DPP10: variants seen among roughly 807,000 people sequenced by gnomAD.
DPP10 encodes the protein dipeptidyl peptidase like 10.
A neutral mutation model predicts 120.9 loss-of-function variants in DPP10; 33 were observed. The ratio of observed to expected loss-of-function variants is 0.27; its 90% CI spans 0.21 to 0.37. The LOEUF (loss-of-function observed/expected upper bound fraction) is 0.37. Among genes scored for constraint, DPP10 ranks in the 10% least tolerant of loss-of-function variants. DPP10 has a pLI of 1.00. For missense variants in DPP10, 816 were observed against 942.8 expected (o/e 0.87, Z 1.76); for synonymous variants, 337 against 326.1 (o/e 1.03, Z -0.36).
intron 5 of DPP10, among the ~76,000 whole-genome samples, chr2:115,653,670 G>T (rs1369335081): frequency 1.3e-5 from 2 of 151,882 alleles, no homozygotes; most frequent in Non-Finnish European, 2.9e-5. Context: ...TTTTCTAGAT[G>T]ATTCCATTCC....
At chr2:115,279,131 C>T (rs2060034977) in intron 1 of DPP10, among the ~76,000 whole-genome samples, 1 of 152,142 alleles carries the variant, frequency 6.6e-6, no homozygotes, top group Non-Finnish European at 1.5e-5. Context: ...CTTTAGGAAG[C>T]ATGTAAACTC....
intron 2 of DPP10, among the ~76,000 whole-genome samples, chr2:115,334,636 A>T (rs892498588): frequency 1.3e-5 from 2 of 152,014 alleles, no homozygotes; most frequent in African/African-American, 4.8e-5. Flanking sequence ...TCTAAAAGTA[A>T]ATCTGAGAAT....
At chr2:115,523,906 C>T (rs2077974377) in intron 4 of DPP10, among the ~76,000 whole-genome samples, 1 of 152,112 alleles carries the variant, frequency 6.6e-6, no homozygotes, top group South Asian at 2.1e-4. Flanking sequence ...CTTTTAAAAA[C>T]TAAAAAACAA....
chr2:115,740,704 G>A (rs907924832), intron 9 of DPP10, among the ~76,000 whole-genome samples: 37 of 152,044 alleles, frequency 2.4e-4, no homozygotes, highest in African/African-American at 8.7e-4. Flanking sequence ...CATCTGGATT[G>A]TACTGTTTTT....
intron 1 of DPP10, among the ~76,000 whole-genome samples, chr2:115,155,681 G>A (rs1291981602): frequency 6.6e-6 from 1 of 152,170 alleles, no homozygotes; most frequent in East Asian, 1.9e-4. Flanking sequence ...ATAACTTACT[G>A]ACAGAGGAAT....
intron 1 of DPP10, among the ~76,000 whole-genome samples, chr2:115,303,456 A>G (rs1264073993): frequency 6.6e-6 from 1 of 151,918 alleles, no homozygotes; most frequent in African/African-American, 2.4e-5. Flanking sequence ...ATTTTTATAC[A>G]CATTCTCTAC....
intron 1 of DPP10, among the ~76,000 whole-genome samples, chr2:115,270,076 AC>A (rs2059626178): frequency 7.8e-6 from 1 of 128,320 alleles, no homozygotes; most frequent in Non-Finnish European, 1.7e-5. Context: ...TCACACACAC[AC>A]ACACACACAC....
chr2:114,646,273 C>T (rs958854369), intron 1 of DPP10, among the ~76,000 whole-genome samples: 1 of 152,080 alleles, frequency 6.6e-6, no homozygotes, highest in African/African-American at 2.4e-5. Flanking sequence ...TAAAGCCAGC[C>T]TAGAACCTGT....
chr2:115,155,408 C>T lies in DPP10; in HGVS notation c.61-153831C>T, dbSNP rs188950332. On this transcript the variant is annotated intron_variant, in intron 1 of 25. Transcript: ENST00000410059. ...CTTCTCCATGTGAAAGGTCAGGGGA[C>T]CCCTGAAGGGAAGAGGACTGCCCAT... is the stretch of plus-strand genomic sequence containing the variant. Among the ~76,000 whole-genome samples, 20 of 151,898 alleles carry T rather than the reference C, an allele frequency of 1.3e-4. No homozygotes were observed. The East Asian group carries it at 3.7e-3, about 28-fold the overall frequency.
intron 1 of DPP10, among the ~76,000 whole-genome samples, chr2:114,727,240 T>C (rs1210709931): frequency 6.6e-6 from 1 of 152,116 alleles, no homozygotes. Context: ...GTGGTGGAAG[T>C]GAGCCTGTGA....
chr2:114,783,398 T>C (rs1476533402), intron 1 of DPP10, among the ~76,000 whole-genome samples: 1 of 152,168 alleles, frequency 6.6e-6, no homozygotes, highest in Non-Finnish European at 1.5e-5. Context: ...ATTTTCACCC[T>C]CTGTAGGGTC....
intron 1 of DPP10, among the ~76,000 whole-genome samples, chr2:115,196,166 C>A (rs1225253931): frequency 6.6e-6 from 1 of 152,060 alleles, no homozygotes; most frequent in Non-Finnish European, 1.5e-5. Flanking sequence ...CAGAGATTTC[C>A]CCCTGTGGTT....
At chr2:115,392,365 T>C (rs535126811) in intron 3 of DPP10, among the ~76,000 whole-genome samples, 7 of 152,298 alleles carry the variant, frequency 4.6e-5, no homozygotes, top group Admixed American at 1.3e-4. Context: ...CACTTTGATA[T>C]CATATTAATA....
intron 1 of DPP10, among the ~76,000 whole-genome samples, chr2:114,511,819 C>G (rs12104968): frequency 0.015 from 2,320 of 152,286 alleles, 58 homozygotes; most frequent in African/African-American, 0.053. Context: ...ACGAGCAGCC[C>G]AGGCATGATG....
chr2:115,220,584 G>A (rs924876149), intron 1 of DPP10, among the ~76,000 whole-genome samples: 1 of 151,960 alleles, frequency 6.6e-6, no homozygotes, highest in Non-Finnish European at 1.5e-5. Context: ...AATAAATTCA[G>A]AAAAAATTGT....
At chr2:115,541,594 A>T (rs2079174186) in intron 5 of DPP10, among the ~76,000 whole-genome samples, 1 of 151,892 alleles carries the variant, frequency 6.6e-6, no homozygotes, top group South Asian at 2.1e-4. Flanking sequence ...TTTGCTAAAG[A>T]TCTGCTGGAT....
At chr2:114,545,362 T>C (rs1687309400) in intron 1 of DPP10, among the ~76,000 whole-genome samples, 1 of 152,230 alleles carries the variant, frequency 6.6e-6, no homozygotes, top group African/African-American at 2.4e-5. Flanking sequence ...GACACTTTAT[T>C]TCTATTTGTC....
chr2:114,740,086 A>G (rs1677873161), intron 1 of DPP10, among the ~76,000 whole-genome samples: 2 of 151,674 alleles, frequency 1.3e-5, no homozygotes, highest in Admixed American at 1.3e-4. Flanking sequence ...TATTCACAAT[A>G]GCAAAGACTT....
At chr2:115,789,281 G>T (rs1683682669) in intron 17 of DPP10, among the ~76,000 whole-genome samples, 1 of 152,162 alleles carries the variant, frequency 6.6e-6, no homozygotes, top group African/African-American at 2.4e-5. Context: ...TAGAAAGTAT[G>T]ATAGTTTGTT....
Sources: gnomAD v4.1 joint callset for allele counts (sites outside exome capture counted in the v4.1 genomes callset) on GRCh38, gnomAD v4.1.1 for gene constraint, MANE v1.5 for transcripts, NCBI Gene and HGNC (gene_info 2026-07-23, HGNC 2026-07-21) for gene names.